TTC28: variants seen among roughly 807,000 people sequenced by gnomAD.
TTC28 encodes the protein tetratricopeptide repeat domain 28.
Under a neutral mutation model 198.0 loss-of-function variants are expected in TTC28, and 61 were observed. The observed-to-expected ratio is 0.31, with a 90% CI of 0.25 to 0.38. The LOEUF (loss-of-function observed/expected upper bound fraction) is 0.38, where lower values mean the gene tolerates loss of function less well. TTC28 is among the 10% of genes least tolerant of loss of function. The probability of loss-of-function intolerance (pLI) is 1.00; values close to 1 mark genes in which losing one functional copy is unlikely to be tolerated. For missense variants in TTC28, 2,678 were observed against 3,164.0 expected (o/e 0.85, Z 3.69); for synonymous variants, 1,171 against 1,297.8 (o/e 0.90, Z 2.10).
chr22:28,200,951 G>A (rs1054127174), intron 5 of TTC28, among the ~76,000 whole-genome samples: 2 of 152,020 alleles, frequency 1.3e-5, no homozygotes, highest in African/African-American at 4.8e-5. Flanking sequence ...ACATTTCTTG[G>A]GAAATCTCTA....
chr22:28,590,488 C>A (rs2050408482), intron 2 of TTC28, among the ~76,000 whole-genome samples: 1 of 152,072 alleles, frequency 6.6e-6, no homozygotes, highest in Non-Finnish European at 1.5e-5. Flanking sequence ...TACAGTAGCT[C>A]ATGACTGTAA....
At chr22:28,665,493 C>T (rs1162863110) in intron 1 of TTC28, among the ~76,000 whole-genome samples, 1 of 45,604 alleles carries the variant, frequency 2.2e-5, no homozygotes, top group Non-Finnish European at 4.4e-5. Flanking sequence ...GCAGGGGTTG[C>T]AATCCTAGTC....
At chr22:28,513,460 G>A (rs1338766330) in intron 2 of TTC28, among the ~76,000 whole-genome samples, 1 of 152,122 alleles carries the variant, frequency 6.6e-6, no homozygotes, top group Non-Finnish European at 1.5e-5. Flanking sequence ...CTTAGGGCCA[G>A]GCTCAATGGC....
chr22:28,649,613 AT>A (rs1288560469), intron 1 of TTC28, among the ~76,000 whole-genome samples: 1 of 152,190 alleles, frequency 6.6e-6, no homozygotes, highest in South Asian at 2.1e-4. Flanking sequence ...TAATTGTGAT[AT>A]TCTAGCCTTT....
At chr22:28,391,529 T>C (rs1421358169) in intron 2 of TTC28, among the ~76,000 whole-genome samples, 5 of 152,088 alleles carry the variant, frequency 3.3e-5, no homozygotes, top group East Asian at 3.9e-4. Flanking sequence ...TTCTTGGAGG[T>C]TTTGCTCGTT....
At chr22:28,196,639 G>A (rs1925368234) in intron 5 of TTC28, among the ~76,000 whole-genome samples, 1 of 152,120 alleles carries the variant, frequency 6.6e-6, no homozygotes, top group Non-Finnish European at 1.5e-5. Flanking sequence ...GATATAAACA[G>A]ACACTTCTCA....
At chr22:28,009,540 T>C (rs1168619192) in intron 14 of TTC28, among the ~76,000 whole-genome samples, 1 of 152,200 alleles carries the variant, frequency 6.6e-6, no homozygotes, top group Non-Finnish European at 1.5e-5. Context: ...GCGTGGGTGC[T>C]TGCAGCCAGA....
intron 12 of TTC28, among the ~76,000 whole-genome samples, chr22:28,088,563 G>GA (rs1278822230): frequency 6.6e-6 from 1 of 151,134 alleles, no homozygotes; most frequent in Admixed American, 6.6e-5. Context: ...AAAAACCCTA[G>GA]AAAAAAACCT....
chr22:28,375,139 A>T (rs1601708963), intron 2 of TTC28, among the ~76,000 whole-genome samples: 1 of 152,110 alleles, frequency 6.6e-6, no homozygotes, highest in African/African-American at 2.4e-5. Context: ...AGAAAAGGCC[A>T]CAAAAAAGAA....
At chr22:28,193,825 C>A (rs1184854606) in intron 5 of TTC28, among the ~76,000 whole-genome samples, 1 of 152,098 alleles carries the variant, frequency 6.6e-6, no homozygotes, top group Non-Finnish European at 1.5e-5. Context: ...TAGACTCCCA[C>A]GCAAGAATAA....
intron 13 of TTC28, among the ~76,000 whole-genome samples, chr22:28,024,345 C>A (rs1382345955): frequency 6.6e-6 from 1 of 152,166 alleles, no homozygotes; most frequent in East Asian, 1.9e-4. Flanking sequence ...TGTCCCCATG[C>A]CCAAGTGAAG....
intron 1 of TTC28, among the ~76,000 whole-genome samples, chr22:28,645,626 C>CA (rs555638293): frequency 4.6e-3 from 346 of 75,928 alleles, no homozygotes; most frequent in African/African-American, 7.0e-3. Flanking sequence ...GACTACATCT[C>CA]AAAAAAAAAA....
intron 12 of TTC28, among the ~76,000 whole-genome samples, chr22:28,049,281 A>C (rs1939986627): frequency 6.6e-6 from 1 of 152,196 alleles, no homozygotes; most frequent in Non-Finnish European, 1.5e-5. Flanking sequence ...ATCCCACCAT[A>C]CAGGTTAACT....
At chr22:28,553,748 G>A (rs2049739655) in intron 2 of TTC28, among the ~76,000 whole-genome samples, 1 of 151,512 alleles carries the variant, frequency 6.6e-6, no homozygotes. Context: ...CGGGAGGGAG[G>A]TGAGGGGGTC....
In TTC28 at chr22:28,107,258, T is replaced by C; in HGVS notation, c.2587A>G (p.Met863Val). Residue 863 changes from methionine (M) to valine (V), a missense_variant, in exon 7 of 23, where the codon ATG becomes GTG. This residue lies in a region of TTC28 where 775 missense variants were observed against 845.9 expected (regional missense o/e 0.92). Coordinates refer to ENST00000397906, the MANE Select transcript of TTC28 (RefSeq NM_001145418.2). Reference protein sequence around the residue: ...AIGYFEQQLAMLQQLSGNESV... With the variant: ...AIGYFEQQLAVLQQLSGNESV... ...TCATTTCCACTTAGCTGCTGCAGCATGGCCAATTGCTGCTCAAAGTAGCCA... is the reference window on the plus strand; with the variant it reads ...TCATTTCCACTTAGCTGCTGCAGCACGGCCAATTGCTGCTCAAAGTAGCCA... 1 of 1,551,776 alleles carries C rather than the reference T, an allele frequency of 6.4e-7. No individual in the cohort carries two copies.
intron 2 of TTC28, among the ~76,000 whole-genome samples, chr22:28,384,031 A>G (rs1369030281): frequency 1.3e-5 from 2 of 152,146 alleles, no homozygotes; most frequent in African/African-American, 4.8e-5. Context: ...TTACTCTGTG[A>G]GCAGAGTAAG....
chr22:28,511,654 C>T (rs183327562), intron 2 of TTC28, among the ~76,000 whole-genome samples: 11 of 152,088 alleles, frequency 7.2e-5, no homozygotes, highest in Admixed American at 3.9e-4. Context: ...CCCGTCTCTA[C>T]TAAAAATACA....
intron 2 of TTC28, among the ~76,000 whole-genome samples, chr22:28,537,303 TAA>T (rs1166365586): frequency 1.0e-3 from 121 of 120,584 alleles, no homozygotes; most frequent in Non-Finnish European, 1.6e-3. Flanking sequence ...AAAAATAAAA[TAA>T]AATAAAATAA....
intron 1 of TTC28, among the ~76,000 whole-genome samples, chr22:28,660,724 A>G (rs1276298112): frequency 2.0e-5 from 3 of 151,786 alleles, no homozygotes; most frequent in African/African-American, 7.3e-5. Flanking sequence ...GGGTTTCACA[A>G]TGTTAGCCAG....
Sources: allele counts gnomAD v4.1 joint callset (sites outside exome capture counted in the v4.1 genomes callset), GRCh38; gene constraint gnomAD v4.1.1; regional missense constraint gnomAD v4.1.1; transcripts MANE v1.5; gene names NCBI Gene and HGNC (gene_info 2026-07-23, HGNC 2026-07-21).